CNTN5: variants seen among roughly 807,000 people sequenced by gnomAD.
CNTN5 encodes contactin 5.
A neutral mutation model predicts 129.1 loss-of-function variants in CNTN5; 77 were observed. That is an observed-to-expected ratio of 0.60 (90% confidence interval 0.50 to 0.72). The LOEUF is 0.72. Ranked by LOEUF, CNTN5 falls within the 30% of genes least tolerant of loss-of-function variation. The pLI, the probability that CNTN5 is intolerant of heterozygous loss-of-function variation, is 0.00. For synonymous variants in CNTN5, 509 were observed against 465.6 expected (o/e 1.09, Z -1.20); for missense variants, 1,478 against 1,328.8 (o/e 1.11, Z -1.75).
Position 100,340,562 on chromosome 11 carries a change from A to C in CNTN5, c.2830A>C (p.Thr944Pro). The C allele has an allele frequency of 6.2e-7, 1 of 1,613,476 alleles. No individual in the cohort carries two copies. The highest frequency in any genetic ancestry group is 8.5e-7 in the Non-Finnish European group (1 of 1,179,614). Residue 944 changes from threonine (T) to proline (P), a missense_variant, in exon 22 of 25, where the codon ACG becomes CCG. Thr to Pro is a conservative substitution (Grantham distance 38). Transcript: ENST00000524871. Reference protein sequence around the residue: ...FVILTGLEGNTLYHFTVRAYN... With the variant: ...FVILTGLEGNPLYHFTVRAYN... ...CATCCTAACAGGATTAGAAGGAAATACGTTATATCACTTCACAGTGAGGGC... is the reference window on the plus strand; with the variant it reads ...CATCCTAACAGGATTAGAAGGAAATCCGTTATATCACTTCACAGTGAGGGC...
chr11:99,316,236 A>G (rs187567083), intron 1 of CNTN5, among the ~76,000 whole-genome samples: 171 of 152,296 alleles, frequency 1.1e-3, no homozygotes, highest in African/African-American at 3.6e-3. Flanking sequence ...ACTACAAATC[A>G]TAAGGCAATT....
intron 7 of CNTN5, among the ~76,000 whole-genome samples, chr11:99,948,185 G>T (rs552257165): frequency 1.3e-5 from 2 of 152,168 alleles, no homozygotes; most frequent in Admixed American, 6.5e-5. Flanking sequence ...TTATCTGTGC[G>T]ACTTTTCATG....
intron 1 of CNTN5, among the ~76,000 whole-genome samples, chr11:99,240,026 C>G (rs2135754404): frequency 6.6e-6 from 1 of 152,062 alleles, no homozygotes; most frequent in Admixed American, 6.6e-5. Flanking sequence ...TTAAGTAGCC[C>G]TTGTTCCAGA....
At chr11:99,153,059 C>A (rs1482888764) in intron 1 of CNTN5, among the ~76,000 whole-genome samples, 1 of 152,172 alleles carries the variant, frequency 6.6e-6, no homozygotes, top group Non-Finnish European at 1.5e-5. Flanking sequence ...CCCCTTCTCT[C>A]TAGCTGCCTT....
intron 2 of CNTN5, among the ~76,000 whole-genome samples, chr11:99,434,157 A>G (rs940966920): frequency 6.6e-6 from 1 of 152,166 alleles, no homozygotes; most frequent in Admixed American, 6.6e-5. Flanking sequence ...TAAAGAAAGA[A>G]GCAAGATTAA....
At chr11:99,499,992 TG>T (rs1343055133) in intron 2 of CNTN5, among the ~76,000 whole-genome samples, 8 of 152,214 alleles carry the variant, frequency 5.3e-5, no homozygotes, top group African/African-American at 1.9e-4. Context: ...TGAAAAAGAA[TG>T]GCAAAAAAAT....
intron 3 of CNTN5, among the ~76,000 whole-genome samples, chr11:99,769,546 T>G (rs1474325382): frequency 1.3e-4 from 20 of 152,096 alleles, no homozygotes. Flanking sequence ...ACTTATTTGA[T>G]TTGCCTTACA....
At chr11:100,202,883 T>C (rs2138557364) in intron 15 of CNTN5, among the ~76,000 whole-genome samples, 1 of 152,074 alleles carries the variant, frequency 6.6e-6, no homozygotes, top group African/African-American at 2.4e-5. Context: ...TGGGCTTCCT[T>C]GAACTTAAAA....
chr11:99,242,207 G>T (rs908317794), intron 1 of CNTN5, among the ~76,000 whole-genome samples: 4 of 152,064 alleles, frequency 2.6e-5, no homozygotes, highest in African/African-American at 9.7e-5. Context: ...TGTGAAATAT[G>T]CTATTGCTTC....
chr11:99,639,336 C>A (rs754288531), intron 3 of CNTN5, among the ~76,000 whole-genome samples: 2 of 152,176 alleles, frequency 1.3e-5, no homozygotes, highest in African/African-American at 2.4e-5. Flanking sequence ...TGAGGAATGG[C>A]CGTGAAGCTC....
At chr11:100,126,726 T>C (rs80160481) in intron 13 of CNTN5, among the ~76,000 whole-genome samples, 1,649 of 152,246 alleles carry the variant, frequency 0.011, 33 homozygotes, top group African/African-American at 0.037. Flanking sequence ...GTCTTGTTTT[T>C]GTATACAACT....
At chr11:100,015,712 A>G (rs1315343804) in intron 9 of CNTN5, among the ~76,000 whole-genome samples, 1 of 152,168 alleles carries the variant, frequency 6.6e-6, no homozygotes, top group Non-Finnish European at 1.5e-5. Flanking sequence ...TTAAAAAACA[A>G]TACAAATATT....
intron 7 of CNTN5, among the ~76,000 whole-genome samples, chr11:99,942,916 A>G (rs1950472473): frequency 6.6e-6 from 1 of 152,036 alleles, no homozygotes; most frequent in African/African-American, 2.4e-5. Context: ...TATGTGGTGT[A>G]TATGTACCAC....
At chr11:99,721,266 C>A (rs185393361) in intron 3 of CNTN5, among the ~76,000 whole-genome samples, 2 of 152,212 alleles carry the variant, frequency 1.3e-5, no homozygotes, top group African/African-American at 4.8e-5. Context: ...ATCAAAACAA[C>A]ATGGTAGTGG....
rs367990126 is a variant in CNTN5, at chr11:100,004,430, A to G, written c.980+2294A>G. Among the ~76,000 whole-genome samples, 131 of 152,206 alleles carry G rather than the reference A, an allele frequency of 8.6e-4. 1 individual carries two copies. The Middle Eastern group carries it at 0.014, about 16-fold the overall frequency. On this transcript the variant is annotated intron_variant, in intron 9 of 24. Transcript: ENST00000524871. Reference sequence around the variant, plus strand: ...ATATCACTCCTGAAATAGGCTATCTATGAATGTACATGTTATCTAACTCAC... The same window carrying G: ...ATATCACTCCTGAAATAGGCTATCTGTGAATGTACATGTTATCTAACTCAC...
intron 3 of CNTN5, among the ~76,000 whole-genome samples, chr11:99,672,252 G>A (rs923845795): frequency 1.3e-5 from 2 of 152,076 alleles, no homozygotes; most frequent in African/African-American, 2.4e-5. Flanking sequence ...CTTAATGAGT[G>A]CTACCTCCTC....
chr11:99,700,156 T>C (rs555742718), intron 3 of CNTN5, among the ~76,000 whole-genome samples: 1 of 151,552 alleles, frequency 6.6e-6, no homozygotes, highest in African/African-American at 2.4e-5. Flanking sequence ...CTTTTTAATT[T>C]CTTCTCTTTA....
At chr11:99,205,344 A>G (rs1038198523) in intron 1 of CNTN5, among the ~76,000 whole-genome samples, 12 of 152,066 alleles carry the variant, frequency 7.9e-5, no homozygotes, top group Admixed American at 2.0e-4. Context: ...CTCCCCCTCT[A>G]GATCCATCTC....
At chr11:100,015,511 A>C (rs1439039778) in intron 9 of CNTN5, among the ~76,000 whole-genome samples, 1 of 152,134 alleles carries the variant, frequency 6.6e-6, no homozygotes, top group Non-Finnish European at 1.5e-5. Context: ...CAAAGTGCAC[A>C]CACTTCCCTG....
Sources: gnomAD v4.1 joint callset for allele counts (sites outside exome capture counted in the v4.1 genomes callset) on GRCh38, gnomAD v4.1.1 for gene constraint, MANE v1.5 for transcripts, NCBI Gene and HGNC (gene_info 2026-07-23, HGNC 2026-07-21) for gene names.